The following UBE4A variants were observed in gnomAD, a reference collection of about 807,000 sequenced individuals.
UBE4A encodes ubiquitination factor E4A.
Under a neutral mutation model 117.9 loss-of-function variants are expected in UBE4A, and 48 were observed. The ratio of observed to expected loss-of-function variants is 0.41; its 90% CI spans 0.32 to 0.52. The LOEUF is 0.52. Among genes scored for constraint, UBE4A ranks in the 20% least tolerant of loss-of-function variants. UBE4A has a pLI of 0.33. For missense variants in UBE4A, 1,067 were observed against 1,296.3 expected (o/e 0.82, Z 2.72); for synonymous variants, 407 against 450.0 (o/e 0.90, Z 1.21).
intron 11 of UBE4A, among the ~76,000 whole-genome samples, chr11:118,380,642 A>G (rs1349789106): frequency 6.6e-6 from 1 of 152,162 alleles, no homozygotes; most frequent in Non-Finnish European, 1.5e-5. Context: ...ACTCACCTGC[A>G]TTGTTCTGAC....
intron 19 of UBE4A, among the ~76,000 whole-genome samples, chr11:118,395,376 T>C (rs1318922759): frequency 6.6e-6 from 1 of 152,068 alleles, no homozygotes; most frequent in Non-Finnish European, 1.5e-5. Flanking sequence ...TATTTGGTAT[T>C]AAGCATTCAC....
intron 1 of UBE4A, among the ~76,000 whole-genome samples, chr11:118,363,938 T>C (rs989035242): frequency 1.3e-5 from 2 of 152,112 alleles, no homozygotes; most frequent in African/African-American, 4.8e-5. Context: ...TTTGTTGATA[T>C]GATCCTGTGA....
intron 4 of UBE4A, among the ~76,000 whole-genome samples, chr11:118,369,740 A>G (rs1405621477): frequency 6.7e-6 from 1 of 149,340 alleles, no homozygotes; most frequent in Non-Finnish European, 1.5e-5. Context: ...CTTTTCATCT[A>G]CCATGGCCAC....
chr11:118,383,905 A>G (rs1212446130), intron 13 of UBE4A, among the ~76,000 whole-genome samples: 2 of 152,168 alleles, frequency 1.3e-5, no homozygotes, highest in African/African-American at 4.8e-5. Flanking sequence ...AATGCATGTA[A>G]ATCTTTATAA....
chr11:118,392,926 C>T (rs1565540714), intron 19 of UBE4A, 31 bp downstream of exon 19: 21 of 1,599,566 alleles, frequency 1.3e-5, no homozygotes, highest in Non-Finnish European at 1.8e-5. Flanking sequence ...GACTCAAGAG[C>T]ATATATATAT....
At position 118,376,674 on chromosome 11, in the gene UBE4A, C is replaced by T. The variant is rs1555125432; in HGVS notation, c.1551C>T (p.Thr517=). ...VTENLALTEY[T]LYLGFHRLHD... is the part of the protein sequence containing the mutation. ...AGAACCTTGCTCTGACAGAGTACAC[C>T]TTGTACTTGGGATTTCACAGGTAAC... Residue 517 remains threonine, a synonymous_variant, in exon 10 of 20, where the codon ACC becomes ACT. Coordinates refer to ENST00000252108, the MANE Select transcript of UBE4A (RefSeq NM_001204077.2). 1 of 1,613,618 alleles carries T rather than the reference C, an allele frequency of 6.2e-7. No homozygotes were observed. Among genetic ancestry groups the T allele is most frequent in the East Asian group, 2.2e-5 (1 of 44,886 alleles).
intron 5 of UBE4A, 143 bp downstream of exon 5, chr11:118,371,809 T>C (rs181053774): frequency 7.6e-6 from 6 of 784,942 alleles, no homozygotes; most frequent in Non-Finnish European, 1.1e-5. Flanking sequence ...CTAAAGCTTT[T>C]ATATCAATTT....
chr11:118,368,001 A>G (rs919093183), intron 2 of UBE4A, among the ~76,000 whole-genome samples: 8 of 152,356 alleles, frequency 5.3e-5, no homozygotes, highest in African/African-American at 1.9e-4. Context: ...AGGGCATGCA[A>G]AAGATGTGAT....
chr11:118,396,410 G>A lies in UBE4A; in HGVS notation c.3171G>A (p.Glu1057=). Residue 1057 remains glutamate, a synonymous_variant, in exon 20 of 20, where the codon GAG becomes GAA. Coordinates refer to ENST00000252108, the MANE Select transcript of UBE4A (RefSeq NM_001204077.2). ...AAAAAATCCAACGGTGGCTTGCAGA[G>A]AGGAAACAACAAAAGGAGCAACTTG... ...LKEKIQRWLA[E]RKQQKEQLE 6.2e-7 allele frequency: 1 copy of A among 1,613,910 alleles called. No homozygotes were observed. The highest frequency in any genetic ancestry group is 8.5e-7 in the Non-Finnish European group (1 of 1,179,932).
intron 18 of UBE4A, among the ~76,000 whole-genome samples, chr11:118,392,532 C>T (rs1325844810): frequency 6.6e-6 from 1 of 152,174 alleles, no homozygotes; most frequent in Non-Finnish European, 1.5e-5. Context: ...CCTAAAGGTC[C>T]AGAGTTGGGG....
Position 118,368,759 on chromosome 11 carries a change from A to G in UBE4A, c.250A>G (p.Ile84Val). The G allele has an allele frequency of 3.1e-6, 5 of 1,614,210 alleles. No homozygotes were observed. The highest frequency in any genetic ancestry group is 4.2e-6 in the Non-Finnish European group (5 of 1,180,026). ...SQQEICEQLN[I>V]NHMIQRIFLI... is the part of the protein sequence containing the mutation. Reference sequence around the variant, plus strand: ...GCAGGAAATATGTGAGCAACTCAACATCAATCACATGATCCAAAGGATCTT... The same window carrying G: ...GCAGGAAATATGTGAGCAACTCAACGTCAATCACATGATCCAAAGGATCTT... The change falls in exon 3 of 20, where the codon ATC (isoleucine) becomes GTC (valine). Residue 84 changes from isoleucine to valine, a missense_variant. Ile to Val is a conservative substitution (Grantham distance 29). Transcript: ENST00000252108.
intron 16 of UBE4A, among the ~76,000 whole-genome samples, chr11:118,387,254 T>G (rs142152107): frequency 1.3e-5 from 2 of 152,284 alleles, no homozygotes; most frequent in African/African-American, 2.4e-5. Context: ...GTAAAAACTT[T>G]TTAAAAAAAC....
rs1948794876 is a variant in UBE4A at position 118,389,731 on chromosome 11, A to G, written c.2594A>G (p.Lys865Arg). 1.3e-6 allele frequency: 2 copies of G among 1,599,498 alleles called. No homozygotes were observed. The highest frequency in any genetic ancestry group is 1.7e-6 in the Non-Finnish European group (2 of 1,168,670). Reference protein sequence around the residue: ...GTLAFLTSEIKSLFVHPFLAE... With the variant: ...GTLAFLTSEIRSLFVHPFLAE... ...ACTTTGGATTCTTTTCCAGAGATCA[A>G]GTCACTCTTTGTGCATCCCTTCCTG... The change falls in exon 17 of 20, where the codon AAG becomes AGG. Residue 865 changes from lysine to arginine, a missense_variant. Physicochemically the swap from Lys to Arg is conservative, Grantham distance 26. Around this residue, in one of 3 missense-constraint regions of UBE4A, gnomAD observed 1,001 missense variants for 1,184.0 expected, o/e 0.85. Coordinates refer to ENST00000252108, the MANE Select transcript of UBE4A (RefSeq NM_001204077.2).
chr11:118,365,283 T>G (rs1490891730), intron 2 of UBE4A, 82 bp downstream of exon 2: 3 of 1,438,528 alleles, frequency 2.1e-6, no homozygotes, highest in Admixed American at 3.0e-5. Flanking sequence ...AGTCCTTAAT[T>G]GCAATTGGAA....
chr11:118,382,843 C>A (rs929159581), intron 13 of UBE4A, 67 bp downstream of exon 13: 3 of 1,390,238 alleles, frequency 2.2e-6, no homozygotes, highest in Non-Finnish European at 2.9e-6. Context: ...ATAGTTTGAT[C>A]CGTATTTGGA....
chr11:118,373,051 G>A (rs780869711), intron 6 of UBE4A, 35 bp from the exon 7 acceptor site: 87 of 1,571,984 alleles, frequency 5.5e-5, no homozygotes, highest in Non-Finnish European at 7.0e-5. Context: ...AAAAATTCTT[G>A]TGCCCTCCTT....
chr11:118,389,143 T>G (rs1405273767), intron 16 of UBE4A, among the ~76,000 whole-genome samples: 1 of 152,198 alleles, frequency 6.6e-6, no homozygotes, highest in Non-Finnish European at 1.5e-5. Context: ...AAAAAGATTA[T>G]GTGAATCACC....
intron 1 of UBE4A, among the ~76,000 whole-genome samples, chr11:118,362,122 TTTTG>T (rs779092040): frequency 6.4e-4 from 98 of 152,230 alleles, no homozygotes; most frequent in African/African-American, 2.1e-3. Flanking sequence ...TTGATAGTCT[TTTTG>T]TTTGTTTGTT....
At chr11:118,361,815 A>T (rs918157976) in intron 1 of UBE4A, among the ~76,000 whole-genome samples, 1 of 152,208 alleles carries the variant, frequency 6.6e-6, no homozygotes, top group African/African-American at 2.4e-5. Context: ...CAAGGAGTTC[A>T]GAAAGAACTA....
Sources: gnomAD v4.1 joint callset for allele counts (sites outside exome capture counted in the v4.1 genomes callset) on GRCh38, gnomAD v4.1.1 for gene constraint, gnomAD v4.1.1 regional missense constraint, MANE v1.5 for transcripts, NCBI Gene and HGNC (gene_info 2026-07-23, HGNC 2026-07-21) for gene names.